TUFT1: variants seen among roughly 807,000 people sequenced by gnomAD.
The protein encoded by TUFT1 is tuftelin 1, also known as tuftelin.
Under a neutral mutation model 57.8 loss-of-function variants are expected in TUFT1, and 43 were observed. The ratio of observed to expected loss-of-function variants is 0.74; its 90% CI spans 0.58 to 0.96. The LOEUF is 0.96. Among genes scored for constraint, TUFT1 ranks in the 40% least tolerant of loss-of-function variants. TUFT1 has a pLI of 0.00. For synonymous variants in TUFT1, 166 were observed against 176.7 expected (o/e 0.94, Z 0.48); for missense variants, 459 against 489.0 (o/e 0.94, Z 0.58).
At chr1:151,556,007 C>A (rs1665686803) in intron 1 of TUFT1, among the ~76,000 whole-genome samples, 1 of 152,126 alleles carries the variant, frequency 6.6e-6, no homozygotes, top group African/African-American at 2.4e-5. Flanking sequence ...TCCCTCCTCC[C>A]CCCCACTTTC....
chr1:151,562,731 C>T (rs751262409), intron 3 of TUFT1, 45 bp downstream of exon 3: 12 of 1,515,632 alleles, frequency 7.9e-6, no homozygotes, highest in Middle Eastern at 1.9e-4. Flanking sequence ...CCTCTTCCTC[C>T]CTGCACGTAT....
chr1:151,571,339 A>G (rs1666245607), intron 7 of TUFT1, among the ~76,000 whole-genome samples: 1 of 152,188 alleles, frequency 6.6e-6, no homozygotes, highest in Non-Finnish European at 1.5e-5. Context: ...GGTTAATGAA[A>G]TACACCTTAC....
chr1:151,556,563 C>G (rs1194937105), intron 1 of TUFT1, among the ~76,000 whole-genome samples: 6 of 152,098 alleles, frequency 3.9e-5, no homozygotes, highest in Admixed American at 6.6e-5. Context: ...CACACAACAC[C>G]ATGCCTGGAT....
chr1:151,558,330 T>C (rs905426684), intron 1 of TUFT1, among the ~76,000 whole-genome samples: 19 of 151,774 alleles, frequency 1.3e-4, no homozygotes, highest in African/African-American at 4.1e-4. Flanking sequence ...CTCTCTGTCA[T>C]TTCCGAAGAG....
chr1:151,580,104 A>G (rs758571864), intron 11 of TUFT1, among the ~76,000 whole-genome samples: 3 of 152,186 alleles, frequency 2.0e-5, no homozygotes, highest in Non-Finnish European at 4.4e-5. Flanking sequence ...TTCCAGGGCT[A>G]GATTACGTAA....
intron 1 of TUFT1, 40 bp from the exon 2 acceptor site, chr1:151,562,050 TA>T (rs1173547548): frequency 4.4e-6 from 7 of 1,601,030 alleles, no homozygotes; most frequent in Non-Finnish European, 6.0e-6. Context: ...CTGTAGACTG[TA>T]AAGTTGAGGG....
At chr1:151,577,511 C>T (rs1008651797) in intron 9 of TUFT1, among the ~76,000 whole-genome samples, 5 of 152,126 alleles carry the variant, frequency 3.3e-5, no homozygotes, top group Non-Finnish European at 7.3e-5. Flanking sequence ...TGCTGTATGT[C>T]AGGAACCGGG....
At chr1:151,577,270 G>A (rs1012923356) in intron 9 of TUFT1, among the ~76,000 whole-genome samples, 3 of 152,174 alleles carry the variant, frequency 2.0e-5, no homozygotes, top group African/African-American at 7.2e-5. Context: ...CTGGTGATTA[G>A]TTTAGTCTCT....
chr1:151,566,804 TAACTA>T (rs1202369457), intron 6 of TUFT1, among the ~76,000 whole-genome samples: 1 of 152,200 alleles, frequency 6.6e-6, no homozygotes, highest in Non-Finnish European at 1.5e-5. Flanking sequence ...TTTTTTTTCT[TAACTA>T]AAGAGTATAT....
chr1:151,542,271 A>G (rs1665191638), intron 1 of TUFT1, among the ~76,000 whole-genome samples: 1 of 150,074 alleles, frequency 6.7e-6, no homozygotes, highest in South Asian at 2.1e-4. Context: ...CCCAGGCTGG[A>G]GTGCAATGGC....
intron 1 of TUFT1, among the ~76,000 whole-genome samples, chr1:151,545,396 A>T (rs910503033): frequency 3.9e-5 from 6 of 152,182 alleles, no homozygotes; most frequent in African/African-American, 1.4e-4. Flanking sequence ...GCCCAAGCTC[A>T]CTTAGGCAAA....
chr1:151,559,270 G>A (rs1665807773), intron 1 of TUFT1, among the ~76,000 whole-genome samples: 1 of 152,236 alleles, frequency 6.6e-6, no homozygotes, highest in Non-Finnish European at 1.5e-5. Flanking sequence ...AACAGCTCTT[G>A]AGGAGTTAAC....
At chr1:151,563,691 G>A (rs528796456) in intron 3 of TUFT1, among the ~76,000 whole-genome samples, 1 of 152,290 alleles carries the variant, frequency 6.6e-6, no homozygotes, top group South Asian at 2.1e-4. Flanking sequence ...ATAGCATTGA[G>A]CTAAATTTAT....
At chr1:151,557,641 T>C (rs572358974) in intron 1 of TUFT1, 19 of 1,028,604 alleles carry the variant, frequency 1.8e-5, no homozygotes, top group Non-Finnish European at 2.9e-5. Context: ...CTGGAGACAT[T>C]TCCACTGGTA....
chr1:151,574,517 G>T (rs1382170137), intron 8 of TUFT1, 119 bp downstream of exon 8: 12 of 1,344,070 alleles, frequency 8.9e-6, no homozygotes, highest in Admixed American at 7.2e-5. Context: ...AGCACACTTC[G>T]CACCTTCCTT....
chr1:151,575,089 C>T (rs1458237264), intron 9 of TUFT1, 84 bp downstream of exon 9: 18 of 1,260,496 alleles, frequency 1.4e-5, no homozygotes, highest in Non-Finnish European at 5.6e-6. Flanking sequence ...CCTGTGGTGG[C>T]CTGGTCTGGG....
At position 151,562,657 on chromosome 1, in the gene TUFT1, T is replaced by C. The variant is rs1321456348; in HGVS notation, c.208T>C (p.Ser70Pro). ...GHSLASELVESHDGHEEIIKV... is the reference protein window; with the variant it reads ...GHSLASELVEPHDGHEEIIKV... ...TTCTCTGGCTTCAGAACTGGTGGAG[T>C]CCCATGATGGACATGAGGAGATCAT... is the stretch of plus-strand genomic sequence containing the variant. The change falls in exon 3 of 13, where the codon TCC (serine) becomes CCC (proline). Residue 70 changes from serine (S) to proline (P), a missense_variant. Coordinates refer to ENST00000368849, the MANE Select transcript of TUFT1 (RefSeq NM_020127.3). 1 of 1,613,116 alleles carries C rather than the reference T, an allele frequency of 6.2e-7. No individual in the cohort carries two copies. The highest frequency in any genetic ancestry group is 1.1e-5 in the South Asian group (1 of 91,020).
intron 5 of TUFT1, among the ~76,000 whole-genome samples, chr1:151,565,186 G>C (rs762234713): frequency 7.9e-5 from 12 of 152,216 alleles, no homozygotes; most frequent in Admixed American, 6.5e-5. Flanking sequence ...GATGTAGAAG[G>C]CATCAGTAAA....
At chr1:151,557,416 G>T in intron 1 of TUFT1, 1 of 981,100 alleles carries the variant, frequency 1.0e-6, no homozygotes, top group Non-Finnish European at 1.6e-6. Flanking sequence ...GGGCTTTCCA[G>T]CCCCAGCCCC....
Sources: allele counts gnomAD v4.1 joint callset (sites outside exome capture counted in the v4.1 genomes callset), GRCh38; gene constraint gnomAD v4.1.1; transcripts MANE v1.5; gene names NCBI Gene and HGNC (gene_info 2026-07-23, HGNC 2026-07-21).